Variants in PDZD9 observed in about 807,000 individuals in gnomAD.
PDZD9 encodes PDZ domain containing 9, also known as PDZ domain-containing protein 9.
Under a neutral mutation model 16.3 loss-of-function variants are expected in PDZD9, and 13 were observed. The observed-to-expected ratio is 0.80, with a 90% CI of 0.52 to 1.27. The LOEUF is 1.27. Ranked by LOEUF, PDZD9 falls within the 50% of genes most tolerant of loss-of-function variation. The probability of loss-of-function intolerance (pLI) is 0.00; values close to 1 mark genes in which losing one functional copy is unlikely to be tolerated. For synonymous variants in PDZD9, 120 were observed against 111.0 expected (o/e 1.08, Z -0.51); for missense variants, 288 against 310.9 (o/e 0.93, Z 0.55).
chr16:21,990,321 A>C (rs1044878996), intron 2 of PDZD9, among the ~76,000 whole-genome samples: 1 of 152,080 alleles, frequency 6.6e-6, no homozygotes, highest in African/African-American at 2.4e-5. Flanking sequence ...GCCTAACCTC[A>C]AAGAAGAAAA....
At chr16:21,992,211 TGTGTGACA>T (rs1326613199) in intron 2 of PDZD9, among the ~76,000 whole-genome samples, 1 of 152,102 alleles carries the variant, frequency 6.6e-6, no homozygotes, top group African/African-American at 2.4e-5. Context: ...CACTCCAGCC[TGTGTGACA>T]GTGAGACCAT....
chr16:21,974,027 C>G, the PDZD9 span: 10 of 1,471,200 alleles, frequency 6.8e-6, no homozygotes, highest in Admixed American at 8.6e-5. Context: ...ATTTCTCCCC[C>G]CCGCCATAAA....
the PDZD9 span, chr16:21,971,577 GGGT>G: frequency 6.2e-7 from 1 of 1,614,160 alleles, no homozygotes; most frequent in South Asian, 1.1e-5. Context: ...TCAACATGAG[GGGT>G]GGGCTTGGTT....
the PDZD9 span, chr16:21,963,052 G>T: frequency 1.2e-6 from 1 of 852,286 alleles, no homozygotes; most frequent in South Asian, 2.2e-5. Flanking sequence ...GCAGTGGCAC[G>T]ATCTTGGCTC....
At chr16:21,963,025 G>C in the PDZD9 span, 2 of 1,162,834 alleles carry the variant, frequency 1.7e-6, no homozygotes, top group Non-Finnish European at 2.3e-6. Context: ...GTCTCACTCT[G>C]TCACCCAGGC....
chr16:21,977,265 G>C, the PDZD9 span, among the ~76,000 whole-genome samples: 1 of 151,932 alleles, frequency 6.6e-6, no homozygotes, highest in Non-Finnish European at 1.5e-5. Context: ...GAAGAGGGGG[G>C]ATTGCTTGAG....
chr16:21,975,915 A>G, the PDZD9 span, among the ~76,000 whole-genome samples: 1 of 152,294 alleles, frequency 6.6e-6, no homozygotes, highest in East Asian at 1.9e-4. Context: ...AAAATTAGCC[A>G]GGCCTGGTAG....
At chr16:21,987,058 T>G (rs1220852693) in intron 3 of PDZD9, among the ~76,000 whole-genome samples, 3 of 152,124 alleles carry the variant, frequency 2.0e-5, no homozygotes, top group African/African-American at 7.2e-5. Flanking sequence ...ATTTTGACAT[T>G]TATCCAAAGA....
intron 2 of PDZD9, among the ~76,000 whole-genome samples, chr16:21,995,852 C>T (rs561801609): frequency 2.1e-4 from 32 of 152,032 alleles, no homozygotes; most frequent in Non-Finnish European, 4.3e-4. Context: ...AGTGCAGTGG[C>T]GCGATCTCAG....
At chr16:21,985,550 C>T (rs552330908) in intron 3 of PDZD9, among the ~76,000 whole-genome samples, 1 of 152,244 alleles carries the variant, frequency 6.6e-6, no homozygotes, top group South Asian at 2.1e-4. Context: ...TCTGAACTTT[C>T]CTAATGCCTA....
the PDZD9 span, chr16:21,973,795 T>TTATACCGTG: frequency 2.0e-6 from 2 of 983,144 alleles, no homozygotes; most frequent in South Asian, 2.9e-5. Flanking sequence ...TCTATTTTGT[T>TTATACCGTG]TATACCGTGA....
At chr16:21,980,183 GC>G, downstream of PDZD9, 1 of 220,902 alleles carries the variant, frequency 4.5e-6, no homozygotes, top group Non-Finnish European at 9.3e-6. Flanking sequence ...GCTGCGACTG[GC>G]CAGTGACATG....
downstream of PDZD9, chr16:21,980,667 G>C: frequency 1.2e-6 from 2 of 1,614,152 alleles, no homozygotes; most frequent in East Asian, 2.2e-5. Flanking sequence ...TCCTTCAGCA[G>C]ATTGATTCAG....
At chr16:21,978,706 C>T in the PDZD9 span, among the ~76,000 whole-genome samples, 1 of 152,174 alleles carries the variant, frequency 6.6e-6, no homozygotes, top group East Asian at 1.9e-4. Context: ...GTAACGTAAA[C>T]GGTTCACGTA....
chr16:21,968,661 G>C, the PDZD9 span: 1 of 1,609,538 alleles, frequency 6.2e-7, no homozygotes, highest in Non-Finnish European at 8.5e-7. Flanking sequence ...TTTCACAAGT[G>C]CAAGAATGGC....
intron 3 of PDZD9, among the ~76,000 whole-genome samples, chr16:21,985,169 CAGTGGT>C (rs1167107688): frequency 6.6e-6 from 1 of 152,082 alleles, no homozygotes; most frequent in Non-Finnish European, 1.5e-5. Flanking sequence ...TGCTGGAGTG[CAGTGGT>C]ACAATCATAG....
the PDZD9 span, among the ~76,000 whole-genome samples, chr16:21,958,119 C>T: frequency 6.6e-6 from 1 of 152,078 alleles, no homozygotes. Flanking sequence ...CCAGTACTGT[C>T]CCCTAATGTA....
chr16:21,996,793 G>A (rs2141963152), intron 1 of PDZD9, among the ~76,000 whole-genome samples: 1 of 152,192 alleles, frequency 6.6e-6, no homozygotes, highest in East Asian at 1.9e-4. Context: ...CTAGGCCCTG[G>A]GTTTACCATG....
chr16:21,988,544 C>T, intron 3 of PDZD9, 58 bp downstream of exon 3: 1 of 1,367,306 alleles, frequency 7.3e-7, no homozygotes, highest in South Asian at 1.3e-5. Flanking sequence ...ACCATCTATG[C>T]CTCACAGGCC....
Sources: allele counts gnomAD v4.1 joint callset (sites outside exome capture counted in the v4.1 genomes callset), GRCh38; gene constraint gnomAD v4.1.1; transcripts MANE v1.5; gene names NCBI Gene and HGNC (gene_info 2026-07-23, HGNC 2026-07-21).